Variants in NUBPL observed in about 807,000 individuals in gnomAD.
NUBPL encodes iron-sulfur cluster transfer protein NUBPL.
A neutral mutation model predicts 45.7 loss-of-function variants in NUBPL; 31 were observed. The ratio of observed to expected loss-of-function variants is 0.68; its 90% CI spans 0.51 to 0.92. The LOEUF is 0.92. Ranked by LOEUF, NUBPL falls within the 40% of genes least tolerant of loss-of-function variation. The pLI is 0.00. For missense variants in NUBPL, 401 were observed against 398.7 expected (o/e 1.01, Z -0.05); for synonymous variants, 144 against 140.9 (o/e 1.02, Z -0.15).
intron 4 of NUBPL, among the ~76,000 whole-genome samples, chr14:31,642,043 A>T (rs770975869): frequency 6.6e-6 from 1 of 152,104 alleles, no homozygotes; most frequent in Non-Finnish European, 1.5e-5. Context: ...TTATTTTACT[A>T]TTGAGTTGTT....
chr14:31,723,101 T>C (rs1024123686), intron 6 of NUBPL, among the ~76,000 whole-genome samples: 3 of 152,218 alleles, frequency 2.0e-5, no homozygotes, highest in East Asian at 1.9e-4. Flanking sequence ...CTTTAATCCA[T>C]CTTGAACTGA....
At chr14:31,843,619 A>G (rs978953354) in intron 8 of NUBPL, 1 of 152,206 alleles carries the variant, frequency 6.6e-6, no homozygotes, top group African/African-American at 2.4e-5. Context: ...AGCTTCATCT[A>G]ACTCCACTCA....
chr14:31,569,665 C>G (rs1468739286), intron 3 of NUBPL, among the ~76,000 whole-genome samples: 2 of 152,118 alleles, frequency 1.3e-5, no homozygotes, highest in African/African-American at 4.8e-5. Context: ...GTGCCTGAGC[C>G]AGTGCATACT....
In NUBPL at chr14:31,669,172, T is replaced by G. The variant is rs76514534; in HGVS notation, c.383-4183T>G. Among the ~76,000 whole-genome samples, 472 of 152,338 alleles carry G rather than the reference T, an allele frequency of 3.1e-3. 2 individuals are homozygous for G. Among genetic ancestry groups the G allele is most frequent in the African/African-American group, 0.011 (439 of 41,584 alleles). ...ACCACTGTGCCTGGCTTTATTTTTA[T>G]TTTTAATTGACACATAATTGCATAT... On this transcript the variant is annotated intron_variant, in intron 4 of 10. Coordinates refer to ENST00000281081, the MANE Select transcript of NUBPL (RefSeq NM_025152.3).
At chr14:31,639,047 C>T (rs867161740) in intron 4 of NUBPL, among the ~76,000 whole-genome samples, 26 of 152,112 alleles carry the variant, frequency 1.7e-4, no homozygotes, top group Admixed American at 3.9e-4. Flanking sequence ...TCCCATAGCT[C>T]GGAGTAGTTT....
intron 3 of NUBPL, among the ~76,000 whole-genome samples, chr14:31,593,235 C>T (rs1016746686): frequency 1.3e-5 from 2 of 151,970 alleles, no homozygotes; most frequent in Non-Finnish European, 1.5e-5. Flanking sequence ...GAGGATTGGC[C>T]GGGAGCGGTG....
Position 31,594,556 on chromosome 14 carries a change from AT to A in NUBPL, c.292-4723del, listed in dbSNP as rs67341071. Among the ~76,000 whole-genome samples, 6 of 150,070 alleles carry A rather than the reference AT, an allele frequency of 4.0e-5. No individual in the cohort carries two copies. The East Asian group carries it at 5.9e-4, about 15-fold the overall frequency. The stretch of plus-strand genomic sequence containing the variant: ...AGGTTGTGTTCCAACTAGCCAGGTG[AT>A]TTTTTTTTTCTTTTATGCTGCTGTG... On this transcript the variant is annotated intron_variant, in intron 3 of 10. Coordinates refer to ENST00000281081, the MANE Select transcript of NUBPL (RefSeq NM_025152.3).
chr14:31,673,538 T>C lies in NUBPL; in HGVS notation c.477T>C (p.Leu159=), dbSNP rs1297119982. 6.2e-7 allele frequency: 1 copy of C among 1,613,912 alleles called. No individual in the cohort carries two copies. The highest frequency in any genetic ancestry group is 1.7e-5 in the Admixed American group (1 of 60,028). ...EESEPVVWRG[L]MVMSAIEKLL... ...GTGAACCAGTAGTTTGGAGAGGCCT[T>C]ATGGTAATGTCGGCCATTGAGAAAT... The change falls in exon 6 of 11, where the codon CTT becomes CTC. Residue 159 remains leucine, a synonymous_variant. Coordinates refer to ENST00000281081, the MANE Select transcript of NUBPL (RefSeq NM_025152.3).
chr14:31,700,854 G>A (rs1347934507), intron 6 of NUBPL, among the ~76,000 whole-genome samples: 8 of 149,230 alleles, frequency 5.4e-5, no homozygotes, highest in South Asian at 2.2e-4. Flanking sequence ...GTTCCCTCAC[G>A]GCCTGAGCCT....
intron 6 of NUBPL, among the ~76,000 whole-genome samples, chr14:31,724,939 A>G (rs2037888029): frequency 1.3e-5 from 2 of 152,112 alleles, no homozygotes; most frequent in African/African-American, 4.8e-5. Flanking sequence ...TGAGCCATCC[A>G]GGTATTTGGA....
At chr14:31,696,700 A>C (rs1413155258) in intron 6 of NUBPL, among the ~76,000 whole-genome samples, 4 of 152,166 alleles carry the variant, frequency 2.6e-5, no homozygotes, top group Non-Finnish European at 5.9e-5. Context: ...TGCTCCCTAA[A>C]GAGAGAGGTA....
chr14:31,590,218 G>T (rs1390158342), intron 3 of NUBPL, among the ~76,000 whole-genome samples: 1 of 152,030 alleles, frequency 6.6e-6, no homozygotes, highest in Non-Finnish European at 1.5e-5. Flanking sequence ...TCAGCTCACT[G>T]CAACCTCTGC....
rs139456603 is a variant in NUBPL at position 31,653,165 on chromosome 14, A to G, written c.383-20190A>G. On this transcript the variant is annotated intron_variant, in intron 4 of 10. Coordinates refer to ENST00000281081, the MANE Select transcript of NUBPL (RefSeq NM_025152.3). The stretch of plus-strand genomic sequence containing the variant: ...CAAAGATCACAAGGCAAAGGGCAAA[A>G]TTAGAATTACTGATGAGGTTCTATG... Among the ~76,000 whole-genome samples the G allele has an allele frequency of 1.1e-4, 16 of 152,340 alleles. No homozygotes were observed. In the East Asian group the frequency reaches 2.3e-3, roughly 22 times the overall value.
At chr14:31,806,796 G>C (rs1232990115) in intron 7 of NUBPL, among the ~76,000 whole-genome samples, 1 of 152,048 alleles carries the variant, frequency 6.6e-6, no homozygotes, top group Non-Finnish European at 1.5e-5. Flanking sequence ...GACAGGCCCA[G>C]GTATGTGATG....
intron 4 of NUBPL, among the ~76,000 whole-genome samples, chr14:31,670,145 A>T (rs1295269600): frequency 1.3e-5 from 2 of 152,028 alleles, no homozygotes; most frequent in African/African-American, 2.4e-5. Context: ...AACATCTGTT[A>T]TTTTTTGATA....
At chr14:31,639,448 T>C (rs1197474955) in intron 4 of NUBPL, among the ~76,000 whole-genome samples, 1 of 152,178 alleles carries the variant, frequency 6.6e-6, no homozygotes, top group Non-Finnish European at 1.5e-5. Context: ...GGAAGTTTTG[T>C]GTCAGAGGAG....
rs537193292 is a variant in NUBPL, at chr14:31,821,731, A to C, written c.608-4898A>C. 3.3e-5 allele frequency among the ~76,000 whole-genome samples: 5 copies of C among 152,350 alleles called. No homozygotes were observed. The South Asian group carries it at 1.0e-3, about 32-fold the overall frequency. On this transcript the variant is annotated intron_variant, in intron 7 of 10. Coordinates refer to ENST00000281081, the MANE Select transcript of NUBPL (RefSeq NM_025152.3). ...ATCAGTATATCAAAGAGGTATCTGT[A>C]CTCCCATGTTTATTGCAGCAGTGTT...
chr14:31,751,739 G>A (rs2038534489), intron 6 of NUBPL, among the ~76,000 whole-genome samples: 1 of 152,232 alleles, frequency 6.6e-6, no homozygotes, highest in African/African-American at 2.4e-5. Context: ...ACTAGGCAGT[G>A]TCCCAGCGGG....
At chr14:31,591,297 G>A (rs1204924855) in intron 3 of NUBPL, among the ~76,000 whole-genome samples, 4 of 152,124 alleles carry the variant, frequency 2.6e-5, no homozygotes, top group Non-Finnish European at 5.9e-5. Context: ...CAAGTAGCTA[G>A]GATTACAGGT....
Sources: gnomAD v4.1 joint callset for allele counts (sites outside exome capture counted in the v4.1 genomes callset) on GRCh38, gnomAD v4.1.1 for gene constraint, MANE v1.5 for transcripts, NCBI Gene and HGNC (gene_info 2026-07-23, HGNC 2026-07-21) for gene names.